DIP2C: variants seen among roughly 807,000 people sequenced by gnomAD.
DIP2C encodes DIP2 acetate--CoA ligase C (putative).
In DIP2C, 33 loss-of-function variants were observed where a neutral mutation model predicts 192.4. That is an observed-to-expected ratio of 0.17 (90% CI 0.13 to 0.23). The LOEUF (loss-of-function observed/expected upper bound fraction) is 0.23, where lower values mean the gene tolerates loss of function less well. Among genes scored for constraint, DIP2C ranks in the 10% least tolerant of loss-of-function variants. DIP2C has a pLI of 1.00. For synonymous variants in DIP2C, 979 were observed against 864.1 expected, an observed-to-expected ratio of 1.13 and a Z score of -2.33; for missense variants, 1,537 against 2,110.1, an observed-to-expected ratio of 0.73 and a Z score of 5.32.
intron 1 of DIP2C, among the ~76,000 whole-genome samples, chr10:498,952 A>G (rs1259394511): frequency 6.6e-6 from 1 of 152,178 alleles, no homozygotes; most frequent in African/African-American, 2.4e-5. Flanking sequence ...TTTCTCACCA[A>G]CGCTGCTCTG....
chr10:582,390 G>C (rs1850725599), intron 1 of DIP2C, among the ~76,000 whole-genome samples: 1 of 152,138 alleles, frequency 6.6e-6, no homozygotes, highest in Non-Finnish European at 1.5e-5. Flanking sequence ...AGTCACACCG[G>C]GGCAACATAA....
intron 7 of DIP2C, among the ~76,000 whole-genome samples, chr10:414,908 T>TATA (rs1564680658): frequency 1.4e-4 from 9 of 65,166 alleles, no homozygotes; most frequent in East Asian, 1.2e-3. Flanking sequence ...ATATATATAT[T>TATA]TTTTTTTTTT....
rs534654809 is a variant in DIP2C at position 488,674 on chromosome 10, G to T, written c.86-2144C>A. 2.0e-5 allele frequency among the ~76,000 whole-genome samples: 3 copies of T among 152,298 alleles called. No homozygotes were observed. In the East Asian group the frequency reaches 5.8e-4, roughly 29 times the overall value. On this transcript the variant is annotated intron_variant, in intron 1 of 36. Transcript: ENST00000280886. Reference sequence around the variant, plus strand: ...CGAAGGAAACGGGACTCTACTTCCTGCTTTGCCCTCTCCCAGCCCCTGCCC... The same window carrying T: ...CGAAGGAAACGGGACTCTACTTCCTTCTTTGCCCTCTCCCAGCCCCTGCCC...
At chr10:355,254 G>A (rs1452918543) in intron 24 of DIP2C, among the ~76,000 whole-genome samples, 2 of 152,198 alleles carry the variant, frequency 1.3e-5, no homozygotes, top group African/African-American at 2.4e-5. Flanking sequence ...ACCAATGGCT[G>A]GGATCAACTC....
chr10:470,710 G>A lies in DIP2C; in HGVS notation c.268+1729C>T, dbSNP rs76970945. 2.0e-4 allele frequency among the ~76,000 whole-genome samples: 30 copies of A among 152,244 alleles called. No homozygotes were observed. The East Asian group carries it at 3.3e-3, about 17-fold the overall frequency. On this transcript the variant is annotated intron_variant, in intron 3 of 36. Coordinates refer to ENST00000280886, the MANE Select transcript of DIP2C (RefSeq NM_014974.3). ...GAGAATGTAGGAAACACGCAGTGGC[G>A]ACTGACGCGGATCTCCTGTGTGGTA...
chr10:602,595 AC>A (rs1278378317), intron 1 of DIP2C, among the ~76,000 whole-genome samples: 1 of 152,206 alleles, frequency 6.6e-6, no homozygotes, highest in Admixed American at 6.5e-5. Context: ...GTCCTGGGGC[AC>A]CAGATCTGCA....
intron 17 of DIP2C, chr10:370,035 G>A: frequency 3.0e-6 from 3 of 985,396 alleles, no homozygotes; most frequent in Non-Finnish European, 3.6e-6. Flanking sequence ...CTGGAGGGTG[G>A]TGCATCCACT....
intron 32 of DIP2C, among the ~76,000 whole-genome samples, chr10:307,591 TG>T (rs1179395671): frequency 2.0e-5 from 3 of 150,378 alleles, no homozygotes; most frequent in South Asian, 2.1e-4. Flanking sequence ...TTCTCTGCAG[TG>T]GGGGGGTAAG....
intron 9 of DIP2C, 55 bp downstream of exon 9, chr10:408,871 C>T (rs1964994296): frequency 3.2e-6 from 5 of 1,574,780 alleles, no homozygotes; most frequent in Admixed American, 1.7e-5. Context: ...CAGTGGGCAC[C>T]TTTTCCCACA....
intron 1 of DIP2C, among the ~76,000 whole-genome samples, chr10:672,390 G>A (rs568495748): frequency 6.6e-6 from 1 of 152,172 alleles, no homozygotes; most frequent in African/African-American, 2.4e-5. Flanking sequence ...GGAACGTCCC[G>A]GCCATGCACT....
At position 281,257 on chromosome 10, in the gene DIP2C, T is replaced by C; in HGVS notation, c.4361A>G (p.Tyr1454Cys). 2 of 1,614,202 alleles carry C rather than the reference T, an allele frequency of 1.2e-6. No individual in the cohort carries two copies. The highest frequency in any genetic ancestry group is 1.7e-6 in the Non-Finnish European group (2 of 1,180,042). Residue 1454 changes from tyrosine (Y) to cysteine (C), a missense_variant, in exon 36 of 37, where the codon TAC becomes TGC. Around this residue, in one of 4 missense-constraint regions of DIP2C, gnomAD observed 341 missense variants for 551.7 expected, o/e 0.62. Coordinates refer to ENST00000280886, the MANE Select transcript of DIP2C (RefSeq NM_014974.3). ...CGAGGTCTCAATGTCGATTGGGTGG[T>C]ACCGCATGCCCCGCAGCTCCATGGC... Reference protein sequence around the residue: ...DEAMELRGMRYHPIDIETSVI... With the variant: ...DEAMELRGMRCHPIDIETSVI...
rs188277910 is a variant in DIP2C at position 662,176 on chromosome 10, C to T, written c.85+27318G>A. The T allele has an allele frequency of 1.0e-4, 71 of 712,602 alleles. No homozygotes were observed. In the African/African-American group the frequency reaches 1.1e-3, roughly 11 times the overall value. The allele number at this position is 712,602 out of a possible 1,614,324, so 44.1% of individuals were successfully genotyped here. A position where few individuals can be genotyped will look rare whatever the true frequency, so the allele number is the denominator to read the frequency against. On this transcript the variant is annotated intron_variant, in intron 1 of 36. Coordinates refer to ENST00000280886, the MANE Select transcript of DIP2C (RefSeq NM_014974.3). ...CTTTCTGCCCTCAGATAGGCACATGCATATTTTATCTATACACAAAGAGTA... is the reference window on the plus strand; with the variant it reads ...CTTTCTGCCCTCAGATAGGCACATGTATATTTTATCTATACACAAAGAGTA...
At chr10:538,680 T>TA (rs1465727800) in intron 1 of DIP2C, among the ~76,000 whole-genome samples, 5 of 152,224 alleles carry the variant, frequency 3.3e-5, no homozygotes, top group African/African-American at 1.2e-4. Context: ...ACCTCACAAA[T>TA]AAGTCTAAGA....
intron 34 of DIP2C, among the ~76,000 whole-genome samples, chr10:285,004 C>A (rs944804193): frequency 2.0e-5 from 3 of 152,182 alleles, no homozygotes; most frequent in Non-Finnish European, 4.4e-5. Flanking sequence ...CGTGAGGACA[C>A]CCTCCAGGTG....
intron 1 of DIP2C, among the ~76,000 whole-genome samples, chr10:535,973 G>C (rs960731636): frequency 6.6e-6 from 1 of 152,172 alleles, no homozygotes; most frequent in African/African-American, 2.4e-5. Flanking sequence ...GGCACACTTC[G>C]GGTGCAAAGA....
intron 7 of DIP2C, among the ~76,000 whole-genome samples, chr10:414,757 A>AT (rs60489200): frequency 3.7e-4 from 26 of 69,506 alleles, no homozygotes; most frequent in Non-Finnish European, 5.5e-4. Flanking sequence ...ATATATATAT[A>AT]ATGTGTATAT....
rs1956758469 is a variant in DIP2C, at chr10:315,961, A to G, written c.3925-5869T>C. On this transcript the variant is annotated intron_variant, in intron 31 of 36. Transcript: ENST00000280886. ...ATCTAGTCTCCTATTAAACCATGGG[A>G]ATTTTATTTCTAATACTAGTTTTCA... is the stretch of plus-strand genomic sequence containing the variant. Among the ~76,000 whole-genome samples the G allele has an allele frequency of 3.3e-5, 5 of 152,104 alleles. 1 individual carries two copies. In the South Asian group the frequency reaches 1.0e-3, roughly 32 times the overall value.
intron 1 of DIP2C, among the ~76,000 whole-genome samples, chr10:602,162 A>G (rs1852128860): frequency 6.6e-6 from 1 of 152,132 alleles, no homozygotes; most frequent in Admixed American, 6.5e-5. Flanking sequence ...TCACACACCA[A>G]GGTTTTTACA....
intron 31 of DIP2C, among the ~76,000 whole-genome samples, chr10:316,661 C>T (rs537434926): frequency 3.9e-5 from 6 of 152,148 alleles, no homozygotes; most frequent in South Asian, 2.1e-4. Flanking sequence ...CACCCTCGAG[C>T]GGGAGCCAGC....
Sources: gnomAD v4.1 joint callset for allele counts (sites outside exome capture counted in the v4.1 genomes callset) on GRCh38, gnomAD v4.1.1 for gene constraint, gnomAD v4.1.1 regional missense constraint, MANE v1.5 for transcripts, NCBI Gene and HGNC (gene_info 2026-07-23, HGNC 2026-07-21) for gene names.